Variants in INTS4 observed in about 807,000 individuals in gnomAD.
INTS4 encodes integrator complex subunit 4.
INTS4 carries 70 observed loss-of-function variants against 119.5 expected under a neutral mutation model. That is an observed-to-expected ratio of 0.59 (90% CI 0.48 to 0.71). The LOEUF is 0.71. INTS4 is among the 30% of genes least tolerant of loss of function. The pLI is 0.00. For synonymous variants in INTS4, 316 were observed against 419.6 expected, an observed-to-expected ratio of 0.75 and a Z score of 3.02; for missense variants, 867 against 1,173.2, an observed-to-expected ratio of 0.74 and a Z score of 3.81.
At chr11:77,937,704 A>C (rs1374646577) in intron 10 of INTS4, among the ~76,000 whole-genome samples, 1 of 152,154 alleles carries the variant, frequency 6.6e-6, no homozygotes, top group Non-Finnish European at 1.5e-5. Flanking sequence ...TGATCACACC[A>C]CTACACTCTA....
chr11:77,913,511 T>C (rs891156769), intron 15 of INTS4, among the ~76,000 whole-genome samples: 16 of 151,912 alleles, frequency 1.1e-4, no homozygotes, highest in South Asian at 2.1e-4. Context: ...TGGGGTTTCA[T>C]CGTGTTAGCC....
intron 4 of INTS4, among the ~76,000 whole-genome samples, chr11:77,977,020 T>G (rs1855979946): frequency 6.6e-6 from 1 of 152,104 alleles, no homozygotes; most frequent in Non-Finnish European, 1.5e-5. Context: ...GGCACATGTA[T>G]ACATATGTAA....
At chr11:77,940,863 G>A (rs1045449969) in intron 9 of INTS4, among the ~76,000 whole-genome samples, 3 of 152,100 alleles carry the variant, frequency 2.0e-5, no homozygotes, top group African/African-American at 4.8e-5. Context: ...TCAAACTCCT[G>A]GCCACAAGTG....
chr11:77,931,198 A>T (rs1953640238), intron 10 of INTS4, among the ~76,000 whole-genome samples: 1 of 152,256 alleles, frequency 6.6e-6, no homozygotes, highest in South Asian at 2.1e-4. Flanking sequence ...CTGCTAAGCC[A>T]AAAGAAAGAA....
downstream of INTS4, among the ~76,000 whole-genome samples, chr11:77,876,284 G>A (rs1951592469): frequency 6.6e-6 from 1 of 152,090 alleles, no homozygotes; most frequent in African/African-American, 2.4e-5. Context: ...CAGAGGCCTG[G>A]GTTCCAGGCT....
Position 77,891,858 on chromosome 11 carries a change from A to G in INTS4, c.2289-18T>C. 6.2e-7 allele frequency: 1 copy of G among 1,610,694 alleles called. No homozygotes were observed. Among genetic ancestry groups the G allele is most frequent in the Non-Finnish European group, 8.5e-7 (1 of 1,178,818 alleles). On this transcript the variant is annotated intron_variant, in intron 19 of 22. Transcript: ENST00000534064. ...TGAAATACCTGGAGGAACAAACAGA[A>G]GCAACTGACTCATTCAACTGTGCAC...
intron 15 of INTS4, among the ~76,000 whole-genome samples, chr11:77,912,023 T>A (rs1953098193): frequency 6.6e-6 from 1 of 152,116 alleles, no homozygotes; most frequent in Non-Finnish European, 1.5e-5. Context: ...CTCTTTTCAT[T>A]TATTTATTAA....
In INTS4 at chr11:77,901,496, T is replaced by A; in HGVS notation, c.2153A>T (p.Gln718Leu). ...EFMYSGVENK[Q>L]VVIIHHMRLQ... Reference sequence around the variant, plus strand: ...CCTCATGTGATGTATAATCACCACCTGCTTATTCTCCACACCACTGTACAT... The same window carrying A: ...CCTCATGTGATGTATAATCACCACCAGCTTATTCTCCACACCACTGTACAT... Residue 718 changes from glutamine (Q) to leucine (L), a missense_variant, in exon 18 of 23, where the codon CAG (glutamine) becomes CTG (leucine). By Grantham distance (113) the Gln-to-Leu change is moderately radical (BLOSUM62 -2). Around this residue, in one of 5 missense-constraint regions of INTS4, gnomAD observed 262 missense variants for 376.0 expected, o/e 0.70. Transcript: ENST00000534064. 6.2e-7 allele frequency: 1 copy of A among 1,612,352 alleles called. No individual in the cohort carries two copies. The highest frequency in any genetic ancestry group is 1.7e-5 in the Admixed American group (1 of 60,016).
chr11:77,900,225 G>A (rs1207218183), intron 18 of INTS4, among the ~76,000 whole-genome samples: 3 of 151,782 alleles, frequency 2.0e-5, no homozygotes, highest in Admixed American at 1.3e-4. Context: ...TCAGCCTCCC[G>A]AGTAGCTGGG....
intron 16 of INTS4, among the ~76,000 whole-genome samples, chr11:77,904,067 C>T (rs2136447363): frequency 6.6e-6 from 1 of 152,312 alleles, no homozygotes; most frequent in African/African-American, 2.4e-5. Context: ...TCAACATATT[C>T]AACTAGAAAT....
intron 19 of INTS4, among the ~76,000 whole-genome samples, chr11:77,893,139 T>C (rs1343765302): frequency 2.6e-5 from 4 of 152,248 alleles, no homozygotes; most frequent in Non-Finnish European, 4.4e-5. Flanking sequence ...ATACCAGAAG[T>C]CTGGTCACTC....
chr11:77,990,919 T>C (rs571807485), intron 2 of INTS4, among the ~76,000 whole-genome samples, 189 bp downstream of exon 2: 3 of 152,304 alleles, frequency 2.0e-5, no homozygotes, highest in South Asian at 2.1e-4. Context: ...CCATCTACTA[T>C]ACACAGTATA....
At chr11:77,920,537 T>C (rs1410325354) in intron 14 of INTS4, among the ~76,000 whole-genome samples, 1 of 152,018 alleles carries the variant, frequency 6.6e-6, no homozygotes, top group African/African-American at 2.4e-5. Context: ...TGGAGAATCA[T>C]AGCTATATGT....
chr11:77,983,644 C>T (rs907924810), intron 2 of INTS4, among the ~76,000 whole-genome samples: 1 of 152,126 alleles, frequency 6.6e-6, no homozygotes, highest in East Asian at 1.9e-4. Context: ...CCATCTCATA[C>T]TCGTTAAGAT....
chr11:77,936,200 T>C (rs1002340729), intron 10 of INTS4, among the ~76,000 whole-genome samples: 18 of 151,890 alleles, frequency 1.2e-4, no homozygotes, highest in Admixed American at 1.1e-3. Flanking sequence ...ATGGAATATA[T>C]ACAGGATGGA....
At chr11:77,993,165 C>T (rs1271383205) in intron 1 of INTS4, among the ~76,000 whole-genome samples, 4 of 152,146 alleles carry the variant, frequency 2.6e-5, no homozygotes, top group Non-Finnish European at 5.9e-5. Context: ...CTCCAGGACA[C>T]GGAGATGAGC....
At chr11:77,910,142 G>A (rs1475978993) in intron 15 of INTS4, among the ~76,000 whole-genome samples, 1 of 152,092 alleles carries the variant, frequency 6.6e-6, no homozygotes, top group African/African-American at 2.4e-5. Flanking sequence ...ACACATGCAC[G>A]CATATGTTTA....
chr11:77,972,846 T>TA (rs1242014656), intron 4 of INTS4, among the ~76,000 whole-genome samples: 1 of 139,870 alleles, frequency 7.1e-6, no homozygotes, highest in South Asian at 2.2e-4. Flanking sequence ...TTTTTTTTTT[T>TA]AATACAGATA....
intron 16 of INTS4, among the ~76,000 whole-genome samples, chr11:77,906,173 T>C (rs1952947137): frequency 6.6e-6 from 1 of 152,188 alleles, no homozygotes; most frequent in African/African-American, 2.4e-5. Flanking sequence ...CTGGACTATC[T>C]TTTGGGATTA....
Sources: allele counts gnomAD v4.1 joint callset (sites outside exome capture counted in the v4.1 genomes callset), GRCh38; gene constraint gnomAD v4.1.1; regional missense constraint gnomAD v4.1.1; transcripts MANE v1.5; gene names NCBI Gene and HGNC (gene_info 2026-07-23, HGNC 2026-07-21).